The following ATP6V0A1 variants were observed in gnomAD, a reference collection of about 807,000 sequenced individuals.
The protein encoded by ATP6V0A1 is ATPase H+ transporting V0 subunit a1.
In ATP6V0A1, 43 loss-of-function variants were observed where a neutral mutation model predicts 105.4. The ratio of observed to expected loss-of-function variants is 0.41; its 90% CI spans 0.32 to 0.53. The LOEUF is 0.53. Ranked by LOEUF, ATP6V0A1 falls within the 20% of genes least tolerant of loss-of-function variation. The pLI is 0.30. For synonymous variants in ATP6V0A1, 362 were observed against 372.8 expected, an observed-to-expected ratio of 0.97 and a Z score of 0.33; for missense variants, 676 against 1,051.1, an observed-to-expected ratio of 0.64 and a Z score of 4.93.
In ATP6V0A1 at chr17:42,498,924, A is replaced by C. The variant is rs1009568244; in HGVS notation, c.1561A>C (p.Ile521Leu). 18 of 1,599,738 alleles carry C rather than the reference A, an allele frequency of 1.1e-5. No homozygotes were observed. Among genetic ancestry groups the C allele is most frequent in the Admixed American group, 5.0e-5 (3 of 59,734 alleles). The change falls in exon 15 of 22, where the codon ATT becomes CTT. Residue 521 changes from isoleucine (I) to leucine (L), a missense_variant and splice_region_variant. Ile to Leu is a conservative substitution (Grantham distance 5). Transcript: ENST00000343619. ...GGPYPFGIDP[I>L]WNIATNKLTF... ...TATTTGTTTTCTCGGGTTATGACAGATTTGGAACATTGCTACCAATAAACT... is the reference window on the plus strand; with the variant it reads ...TATTTGTTTTCTCGGGTTATGACAGCTTTGGAACATTGCTACCAATAAACT...
At chr17:42,477,537 G>C in intron 5 of ATP6V0A1, 123 bp from the exon 6 acceptor site, 1 of 938,042 alleles carries the variant, frequency 1.1e-6, no homozygotes, top group Non-Finnish European at 1.6e-6. Flanking sequence ...TTCGTGGTTT[G>C]TTTTCTTTTT....
intron 21 of ATP6V0A1, chr17:42,520,535 G>A (rs1044444157): frequency 2.2e-6 from 1 of 456,562 alleles, no homozygotes; most frequent in Non-Finnish European, 4.4e-6. Context: ...CTCTTTCCTT[G>A]GAATTTCCTT....
intron 11 of ATP6V0A1, among the ~76,000 whole-genome samples, chr17:42,492,037 A>ATT (rs1364655742): frequency 6.6e-6 from 1 of 152,116 alleles, no homozygotes; most frequent in East Asian, 1.9e-4. Flanking sequence ...ATAAATAAAC[A>ATT]TGTTGACACC....
rs1262397455 is a variant in ATP6V0A1 at position 42,513,871 on chromosome 17, G to A, written c.2141G>A (p.Gly714Glu). The A allele has an allele frequency of 6.2e-7, 1 of 1,613,876 alleles. No homozygotes were observed. Among genetic ancestry groups the A allele is most frequent in the South Asian group, 1.1e-5 (1 of 91,080 alleles). ...EPSEDEVFDF[G>E]DTMVHQAIHT... ...TTCCTCCCACGACAGTTTGACTTTG[G>A]GGACACCATGGTCCACCAGGCCATC... is the stretch of plus-strand genomic sequence containing the variant. Residue 714 changes from glycine (G) to glutamate (E), a missense_variant, in exon 20 of 22, where the codon GGG (glycine) becomes GAG (glutamate). Around this residue, in one of 3 missense-constraint regions of ATP6V0A1, gnomAD observed 435 missense variants for 642.2 expected, o/e 0.68. Coordinates refer to ENST00000343619, the MANE Select transcript of ATP6V0A1 (RefSeq NM_001130021.3).
At chr17:42,481,890 G>A (rs1489618201) in intron 8 of ATP6V0A1, among the ~76,000 whole-genome samples, 3 of 152,106 alleles carry the variant, frequency 2.0e-5, no homozygotes, top group East Asian at 3.8e-4. Flanking sequence ...CACCCAGGCT[G>A]GAGTGCAGTG....
intron 2 of ATP6V0A1, among the ~76,000 whole-genome samples, chr17:42,465,168 A>G (rs763559866): frequency 3.4e-5 from 5 of 148,748 alleles, no homozygotes; most frequent in Non-Finnish European, 7.4e-5. Flanking sequence ...AATTTTTTGT[A>G]TTTTTAGTTG....
intron 21 of ATP6V0A1, among the ~76,000 whole-genome samples, chr17:42,516,622 C>G (rs2092638974): frequency 6.6e-6 from 1 of 152,228 alleles, no homozygotes; most frequent in South Asian, 2.1e-4. Flanking sequence ...CACCTTGATT[C>G]CAGCCCACGT....
chr17:42,487,076 A>G (rs2090176810), intron 9 of ATP6V0A1, 79 bp from the exon 10 acceptor site: 4 of 1,351,762 alleles, frequency 3.0e-6, no homozygotes, highest in Non-Finnish European at 1.1e-6. Context: ...TCAGAAAGCT[A>G]TGCCTCTTTG....
chr17:42,479,875 C>T (rs1272022982), intron 7 of ATP6V0A1, among the ~76,000 whole-genome samples: 2 of 152,176 alleles, frequency 1.3e-5, no homozygotes, highest in Admixed American at 6.5e-5. Context: ...ATCAACAAAT[C>T]CAGAAATGGG....
intron 11 of ATP6V0A1, among the ~76,000 whole-genome samples, chr17:42,491,056 G>A (rs1370927270): frequency 6.6e-6 from 1 of 151,800 alleles, no homozygotes; most frequent in African/African-American, 2.4e-5. Flanking sequence ...GATGGGTTTT[G>A]CTATGTTGCC....
chr17:42,472,451 G>A (rs752655040), intron 5 of ATP6V0A1, among the ~76,000 whole-genome samples: 31 of 151,864 alleles, frequency 2.0e-4, no homozygotes, highest in Non-Finnish European at 3.7e-4. Flanking sequence ...TAGGCCGGGC[G>A]CGGTGGCTAA....
At chr17:42,479,268 TTAA>T (rs1318005672) in intron 7 of ATP6V0A1, among the ~76,000 whole-genome samples, 1 of 152,244 alleles carries the variant, frequency 6.6e-6, no homozygotes, top group Non-Finnish European at 1.5e-5. Flanking sequence ...GACTGTGATC[TTAA>T]TAAGCTGATG....
intron 5 of ATP6V0A1, among the ~76,000 whole-genome samples, chr17:42,475,634 T>C (rs938765867): frequency 1.3e-5 from 2 of 152,192 alleles, no homozygotes; most frequent in African/African-American, 4.8e-5. Flanking sequence ...ACACCCCTGC[T>C]CTAAGATTTA....
chr17:42,519,949 GC>G (rs929010033), intron 21 of ATP6V0A1: 7 of 161,818 alleles, frequency 4.3e-5, no homozygotes, highest in Admixed American at 1.2e-4. Context: ...TAACCTTTGG[GC>G]CCCAGCCACC....
chr17:42,466,570 A>C, intron 3 of ATP6V0A1, 63 bp downstream of exon 3: 1 of 1,395,590 alleles, frequency 7.2e-7, no homozygotes, highest in Non-Finnish European at 1.0e-6. Context: ...GATTAGTGAC[A>C]TTAGTCCTCT....
intron 18 of ATP6V0A1, 102 bp from the exon 19 acceptor site, chr17:42,508,470 A>G (rs1381733035): frequency 3.4e-6 from 5 of 1,487,242 alleles, no homozygotes; most frequent in South Asian, 2.3e-5. Flanking sequence ...CCCATTTAAC[A>G]TGAACAGTCC....
At chr17:42,472,076 CAA>C (rs1301418665) in intron 5 of ATP6V0A1, among the ~76,000 whole-genome samples, 1 of 119,198 alleles carries the variant, frequency 8.4e-6, no homozygotes, top group Non-Finnish European at 1.7e-5. Flanking sequence ...TTTCCCGAGA[CAA>C]AGTCTCACTG....
At chr17:42,462,969 G>A (rs1241672012) in intron 2 of ATP6V0A1, among the ~76,000 whole-genome samples, 2 of 133,238 alleles carry the variant, frequency 1.5e-5, no homozygotes, top group East Asian at 2.2e-4. Context: ...ATACACCTCT[G>A]TAACCAGCAC....
At chr17:42,514,637 T>C (rs1567872973) in intron 21 of ATP6V0A1, among the ~76,000 whole-genome samples, 177 bp downstream of exon 21, 1 of 151,870 alleles carries the variant, frequency 6.6e-6, no homozygotes, top group Non-Finnish European at 1.5e-5. Context: ...TTTCGGAAAA[T>C]GGTCACAGAA....
Sources: gnomAD v4.1 joint callset for allele counts (sites outside exome capture counted in the v4.1 genomes callset) on GRCh38, gnomAD v4.1.1 for gene constraint, gnomAD v4.1.1 regional missense constraint, MANE v1.5 for transcripts, NCBI Gene and HGNC (gene_info 2026-07-23, HGNC 2026-07-21) for gene names.